The following DLG2 variants were observed in gnomAD, a reference collection of about 807,000 sequenced individuals.
DLG2 encodes the protein disks large homolog 2.
Under a neutral mutation model 132.5 loss-of-function variants are expected in DLG2, and 45 were observed. The ratio of observed to expected loss-of-function variants is 0.34; its 90% CI spans 0.27 to 0.44. DLG2 has a LOEUF of 0.44. DLG2 is among the 20% of genes least tolerant of loss of function. The pLI is 1.00. For missense variants in DLG2, 1,045 were observed against 1,196.9 expected (o/e 0.87, Z 1.87); for synonymous variants, 424 against 419.6 (o/e 1.01, Z -0.13).
At chr11:85,591,231 T>C (rs1451842891) in intron 3 of DLG2, among the ~76,000 whole-genome samples, 1 of 152,208 alleles carries the variant, frequency 6.6e-6, no homozygotes, top group Non-Finnish European at 1.5e-5. Flanking sequence ...ATAACAATTG[T>C]TTGAGCCACA....
intron 9 of DLG2, among the ~76,000 whole-genome samples, chr11:84,120,688 C>G (rs1228168679): frequency 6.6e-6 from 1 of 152,080 alleles, no homozygotes; most frequent in Non-Finnish European, 1.5e-5. Flanking sequence ...GACTGGGTGG[C>G]TTAGAGTAAC....
chr11:84,758,014 A>G (rs2096174049), intron 6 of DLG2, among the ~76,000 whole-genome samples: 1 of 152,184 alleles, frequency 6.6e-6, no homozygotes, highest in South Asian at 2.1e-4. Context: ...ATAATCTACA[A>G]TCTGTATTCC....
intron 18 of DLG2, among the ~76,000 whole-genome samples, chr11:83,643,027 T>C (rs752841769): frequency 1.3e-5 from 2 of 152,150 alleles, no homozygotes; most frequent in Non-Finnish European, 2.9e-5. Flanking sequence ...GTCTATAAAA[T>C]GGAGACATCA....
intron 7 of DLG2, among the ~76,000 whole-genome samples, chr11:84,474,992 G>A (rs1384350320): frequency 2.6e-5 from 4 of 151,966 alleles, no homozygotes; most frequent in Admixed American, 6.6e-5. Context: ...CATCAGCCAG[G>A]TCTCTTGTTA....
intron 3 of DLG2, among the ~76,000 whole-genome samples, chr11:85,542,231 G>A (rs2076016823): frequency 6.6e-6 from 1 of 151,946 alleles, no homozygotes. Context: ...CAATTCTTGT[G>A]AATTCAACCT....
At position 84,558,805 on chromosome 11, in the gene DLG2, C is replaced by A. The variant is rs534423300; in HGVS notation, c.358-24074G>T. Among the ~76,000 whole-genome samples the A allele has an allele frequency of 3.9e-5, 6 of 152,156 alleles. No homozygotes were observed. The East Asian group carries it at 1.2e-3, about 29-fold the overall frequency. On this transcript the variant is annotated intron_variant, in intron 6 of 27. Transcript: ENST00000376104. Reference sequence around the variant, plus strand: ...CATGACTTGGTGAAGGCTATTGATTCCTTATCTTCTTTATTTTTTTGCATC... The same window carrying A: ...CATGACTTGGTGAAGGCTATTGATTACTTATCTTCTTTATTTTTTTGCATC...
At chr11:84,776,921 G>A (rs1456361989) in intron 6 of DLG2, among the ~76,000 whole-genome samples, 1 of 151,880 alleles carries the variant, frequency 6.6e-6, no homozygotes, top group African/African-American at 2.4e-5. Flanking sequence ...AAATTACTGG[G>A]TAGAAGTGTA....
At chr11:84,982,804 T>C (rs1349467757) in intron 6 of DLG2, among the ~76,000 whole-genome samples, 1 of 152,034 alleles carries the variant, frequency 6.6e-6, no homozygotes, top group Non-Finnish European at 1.5e-5. Flanking sequence ...ATATGGTACA[T>C]CATATTACCA....
intron 9 of DLG2, among the ~76,000 whole-genome samples, chr11:84,138,120 T>A (rs2094681428): frequency 6.6e-6 from 1 of 152,150 alleles, no homozygotes; most frequent in African/African-American, 2.4e-5. Flanking sequence ...ATCTCAGCTC[T>A]CCCACATCCT....
chr11:84,742,852 T>A (rs1055575492), intron 6 of DLG2, among the ~76,000 whole-genome samples: 1 of 152,214 alleles, frequency 6.6e-6, no homozygotes, highest in African/African-American at 2.4e-5. Flanking sequence ...AACTTTTTAC[T>A]GTCTCTATGG....
chr11:84,231,738 A>G (rs941113756), intron 8 of DLG2, among the ~76,000 whole-genome samples: 1 of 152,172 alleles, frequency 6.6e-6, no homozygotes, highest in Non-Finnish European at 1.5e-5. Context: ...TAGTTAAAAG[A>G]TGGGACCATA....
intron 6 of DLG2, among the ~76,000 whole-genome samples, chr11:84,817,996 C>A (rs1400427432): frequency 6.6e-6 from 1 of 151,916 alleles, no homozygotes; most frequent in Non-Finnish European, 1.5e-5. Flanking sequence ...TCCCCTCAAT[C>A]CTGAGTACTA....
chr11:85,088,785 T>C (rs886378116), intron 6 of DLG2, among the ~76,000 whole-genome samples: 4 of 152,206 alleles, frequency 2.6e-5, no homozygotes, highest in African/African-American at 9.6e-5. Flanking sequence ...AATACCCCTA[T>C]TTTAAGCACT....
At chr11:85,260,614 G>C (rs2076890068) in intron 4 of DLG2, among the ~76,000 whole-genome samples, 2 of 152,166 alleles carry the variant, frequency 1.3e-5, no homozygotes, top group Non-Finnish European at 2.9e-5. Flanking sequence ...TACTCTGCCA[G>C]ATAAAAATAA....
At chr11:84,257,633 T>G (rs1280502688) in intron 7 of DLG2, among the ~76,000 whole-genome samples, 1 of 151,984 alleles carries the variant, frequency 6.6e-6, no homozygotes, top group Non-Finnish European at 1.5e-5. Context: ...AGAGCCATGT[T>G]CTACTGCCCC....
intron 6 of DLG2, among the ~76,000 whole-genome samples, chr11:84,999,713 C>T (rs1234288631): frequency 1.3e-5 from 2 of 152,144 alleles, no homozygotes; most frequent in East Asian, 1.9e-4. Context: ...ATGAAATGTT[C>T]GCATCATCAA....
At chr11:85,555,296 C>CA (rs142961244) in intron 3 of DLG2, among the ~76,000 whole-genome samples, 3,710 of 151,988 alleles carry the variant, frequency 0.024, 176 homozygotes, top group African/African-American at 0.085. Flanking sequence ...CATGGTTTCA[C>CA]AAAAACTTTT....
At chr11:84,377,336 T>A (rs928428738) in intron 7 of DLG2, among the ~76,000 whole-genome samples, 7 of 152,166 alleles carry the variant, frequency 4.6e-5, no homozygotes, top group African/African-American at 1.7e-4. Flanking sequence ...AAAGGGAATT[T>A]AAAAGAAAGC....
intron 6 of DLG2, among the ~76,000 whole-genome samples, chr11:84,642,171 A>G (rs1320827927): frequency 1.3e-5 from 2 of 150,046 alleles, no homozygotes; most frequent in East Asian, 2.0e-4. Context: ...TGATTTCTTT[A>G]TAAGTTTCTA....
Sources: allele counts gnomAD v4.1 joint callset (sites outside exome capture counted in the v4.1 genomes callset), GRCh38; gene constraint gnomAD v4.1.1; transcripts MANE v1.5; gene names NCBI Gene and HGNC (gene_info 2026-07-23, HGNC 2026-07-21).